POT1: variants seen among roughly 807,000 people sequenced by gnomAD.
POT1 encodes the protein protection of telomeres 1.
In POT1, 47 loss-of-function variants were observed where a neutral mutation model predicts 78.5. The observed-to-expected ratio is 0.60, with a 90% confidence interval of 0.47 to 0.76. The LOEUF (loss-of-function observed/expected upper bound fraction) is 0.76, where lower values mean the gene tolerates loss of function less well. Ranked by LOEUF, POT1 falls within the 30% of genes least tolerant of loss-of-function variation. The probability of loss-of-function intolerance (pLI) is 0.00; values close to 1 mark genes in which losing one functional copy is unlikely to be tolerated. For missense variants in POT1, 646 were observed against 749.9 expected, an observed-to-expected ratio of 0.86 and a Z score of 1.62; for synonymous variants, 259 against 260.7, an observed-to-expected ratio of 0.99 and a Z score of 0.06.
intron 2 of POT1, among the ~76,000 whole-genome samples, chr7:124,925,646 C>G (rs1584535358): frequency 1.3e-5 from 2 of 152,180 alleles, no homozygotes; most frequent in East Asian, 3.9e-4. Flanking sequence ...ACCCAAATTG[C>G]CAAAGCAATC....
intron 6 of POT1, among the ~76,000 whole-genome samples, chr7:124,884,756 C>T (rs541753264): frequency 6.6e-6 from 1 of 152,066 alleles, no homozygotes; most frequent in Non-Finnish European, 1.5e-5. Flanking sequence ...TATTTGCTCA[C>T]GTTGTGAGTA....
At chr7:124,862,221 T>C (rs1359698902) in intron 8 of POT1, among the ~76,000 whole-genome samples, 1 of 152,168 alleles carries the variant, frequency 6.6e-6, no homozygotes, top group Non-Finnish European at 1.5e-5. Flanking sequence ...AAATGTAGAC[T>C]CAACTATTTC....
At chr7:124,920,548 C>T (rs968349708) in intron 2 of POT1, among the ~76,000 whole-genome samples, 29 of 151,976 alleles carry the variant, frequency 1.9e-4, no homozygotes, top group African/African-American at 7.0e-4. Context: ...GAATGTAGCA[C>T]TAAAATCCAT....
chr7:124,872,533 C>T (rs1285327162), intron 6 of POT1, among the ~76,000 whole-genome samples: 4 of 152,150 alleles, frequency 2.6e-5, no homozygotes, highest in African/African-American at 7.2e-5. Flanking sequence ...GTCGAGGTAT[C>T]GCAGTGCTTG....
chr7:124,837,429 T>C (rs190182137), intron 14 of POT1, among the ~76,000 whole-genome samples: 2 of 146,582 alleles, frequency 1.4e-5, no homozygotes, highest in East Asian at 3.9e-4. Flanking sequence ...GTGTTAATAA[T>C]AAATAAATAT....
Position 124,827,298 on chromosome 7 carries a change from ACC to A in POT1, c.1600_1601del (p.Gly534TyrfsTer15). 1 of 1,574,420 alleles carries A rather than the reference ACC, an allele frequency of 6.4e-7. No individual in the cohort carries two copies. The highest frequency in any genetic ancestry group is 8.7e-7 in the Non-Finnish European group (1 of 1,151,654). On this transcript the variant is annotated frameshift_variant, in exon 17 of 19. Coordinates refer to ENST00000357628, the MANE Select transcript of POT1 (RefSeq NM_015450.3). LOFTEE classifies it high-confidence loss of function. ...WIPSSVAEALGIVPLQYVFVM... is the reference protein window; with the variant it reads ...WIPSSVAEALXIVPLQYVFVM... Reference sequence around the variant, plus strand: ...CAAACACATATTGGAGGGGTACAATACCCAGTGCTAGTGAAGGAAAAAAAGAT... The same window carrying A: ...CAAACACATATTGGAGGGGTACAATACAGTGCTAGTGAAGGAAAAAAAGAT...
At chr7:124,853,725 G>C (rs369025339) in intron 9 of POT1, among the ~76,000 whole-genome samples, 3 of 150,792 alleles carry the variant, frequency 2.0e-5, no homozygotes, top group Non-Finnish European at 3.0e-5. Context: ...GAGTTCAAAC[G>C]TAAGAGTTAA....
chr7:124,859,545 G>A (rs1372469652), intron 8 of POT1, among the ~76,000 whole-genome samples: 2 of 151,942 alleles, frequency 1.3e-5, no homozygotes, highest in Non-Finnish European at 2.9e-5. Flanking sequence ...TAAATTAGTT[G>A]TAAAGCATTA....
chr7:124,914,247 A>G (rs1277439295), intron 3 of POT1, among the ~76,000 whole-genome samples: 1 of 151,934 alleles, frequency 6.6e-6, no homozygotes, highest in Admixed American at 6.6e-5. Context: ...TAGCTCTGTG[A>G]TAAGTTTTGA....
intron 15 of POT1, among the ~76,000 whole-genome samples, chr7:124,832,145 G>C (rs1284068499): frequency 6.7e-6 from 1 of 150,100 alleles, no homozygotes; most frequent in Non-Finnish European, 1.5e-5. Context: ...TGTAGTCCCA[G>C]CTAGTTGGGA....
chr7:124,846,772 A>G (rs1240599691), intron 12 of POT1, among the ~76,000 whole-genome samples, 170 bp downstream of exon 12: 2 of 152,146 alleles, frequency 1.3e-5, no homozygotes, highest in Non-Finnish European at 2.9e-5. Context: ...TATGGGTTCC[A>G]TTTTATGCCA....
At chr7:124,877,398 A>G (rs944894276) in intron 6 of POT1, among the ~76,000 whole-genome samples, 2 of 152,278 alleles carry the variant, frequency 1.3e-5, no homozygotes, top group South Asian at 4.1e-4. Context: ...ATACAATGGG[A>G]AAAACCATAA....
chr7:124,891,624 T>C (rs1195110419), intron 6 of POT1, among the ~76,000 whole-genome samples: 3 of 151,716 alleles, frequency 2.0e-5, no homozygotes, highest in African/African-American at 4.8e-5. Context: ...TTCCTTTGTG[T>C]TTCATTATTT....
intron 14 of POT1, among the ~76,000 whole-genome samples, chr7:124,837,596 A>C (rs1794929078): frequency 6.6e-6 from 1 of 152,116 alleles, no homozygotes; most frequent in Admixed American, 6.5e-5. Flanking sequence ...TCTTGAAAAA[A>C]GTCACCAGGC....
At chr7:124,840,727 C>A in intron 14 of POT1, 1 of 297,002 alleles carries the variant, frequency 3.4e-6, no homozygotes, top group Non-Finnish European at 6.3e-6. Flanking sequence ...AAATGCAATC[C>A]AACAATATAG....
intron 9 of POT1, among the ~76,000 whole-genome samples, chr7:124,855,362 T>C (rs554971262): frequency 4.6e-5 from 7 of 151,800 alleles, no homozygotes; most frequent in Non-Finnish European, 8.8e-5. Flanking sequence ...ACACGGGTGT[T>C]TATTATACTA....
chr7:124,869,314 G>C (rs1390344334), intron 7 of POT1, among the ~76,000 whole-genome samples: 1 of 152,118 alleles, frequency 6.6e-6, no homozygotes, highest in Non-Finnish European at 1.5e-5. Context: ...CCTGTAGCAG[G>C]AGACACAATA....
At chr7:124,888,856 A>G (rs1796304793) in intron 6 of POT1, among the ~76,000 whole-genome samples, 1 of 150,740 alleles carries the variant, frequency 6.6e-6, no homozygotes, top group Admixed American at 6.7e-5. Context: ...TAACCAATAA[A>G]TATGTGTATT....
chr7:124,866,311 G>C (rs201835014), intron 7 of POT1, among the ~76,000 whole-genome samples: 3 of 150,152 alleles, frequency 2.0e-5, no homozygotes, highest in Middle Eastern at 3.2e-3. Context: ...CTTTTGGGGG[G>C]TGAAACCTTT....
Sources: allele counts gnomAD v4.1 joint callset (sites outside exome capture counted in the v4.1 genomes callset), GRCh38; gene constraint gnomAD v4.1.1; transcripts MANE v1.5; gene names NCBI Gene and HGNC (gene_info 2026-07-23, HGNC 2026-07-21).